MXRA8: variants seen among roughly 807,000 people sequenced by gnomAD.
MXRA8 encodes matrix remodeling associated 8.
A neutral mutation model predicts 51.4 loss-of-function variants in MXRA8; 44 were observed. That is an observed-to-expected ratio of 0.86 (90% CI 0.67 to 1.10). The LOEUF is 1.10. MXRA8 is among the 50% of genes least tolerant of loss of function. The probability of loss-of-function intolerance (pLI) is 0.00; values close to 1 mark genes in which losing one functional copy is unlikely to be tolerated. For missense variants in MXRA8, 765 were observed against 638.9 expected, an observed-to-expected ratio of 1.20 and a Z score of -2.13; for synonymous variants, 369 against 293.5, an observed-to-expected ratio of 1.26 and a Z score of -2.63.
intron 1 of MXRA8, among the ~76,000 whole-genome samples, chr1:1,357,114 C>T (rs939132931): frequency 6.6e-6 from 1 of 152,204 alleles, no homozygotes; most frequent in Non-Finnish European, 1.5e-5. Context: ...GCTGGGGACC[C>T]CACACCACAC....
In MXRA8 at chr1:1,354,177, G is replaced by C; in HGVS notation, c.1145+16C>G. The stretch of plus-strand genomic sequence containing the variant: ...GGGGCCCTGGTCCCCAGGAGGGCCG[G>C]GAGGGGGGCACTCACCCCTTTGACT... On this transcript the variant is annotated intron_variant, in intron 7 of 9. Transcript: ENST00000309212. 1 of 1,612,744 alleles carries C rather than the reference G, an allele frequency of 6.2e-7. No individual in the cohort carries two copies. Among genetic ancestry groups the C allele is most frequent in the South Asian group, 1.1e-5 (1 of 91,090 alleles).
intron 1 of MXRA8, among the ~76,000 whole-genome samples, chr1:1,357,862 G>C (rs1056508456): frequency 2.0e-5 from 3 of 152,186 alleles, no homozygotes; most frequent in African/African-American, 7.2e-5. Context: ...TCCCAATAAA[G>C]GGTTGGCCTG....
At chr1:1,360,436 C>T (rs1290051475), upstream of MXRA8, among the ~76,000 whole-genome samples, 1 of 141,562 alleles carries the variant, frequency 7.1e-6, no homozygotes, top group South Asian at 2.3e-4. Flanking sequence ...CTGCTCCTCC[C>T]AGGGCCAGTG....
At chr1:1,354,300 C>T in intron 6 of MXRA8, 54 bp downstream of exon 6, 7 of 1,598,440 alleles carry the variant, frequency 4.4e-6, no homozygotes, top group Non-Finnish European at 4.3e-6. Context: ...AGAGGACCAC[C>T]CTCCCGCCCA....
chr1:1,362,158 G>C (rs1644230151), upstream of MXRA8, among the ~76,000 whole-genome samples: 1 of 152,172 alleles, frequency 6.6e-6, no homozygotes, highest in Non-Finnish European at 1.5e-5. Flanking sequence ...CGAGGAGGCA[G>C]GGCTGTCTGT....
At chr1:1,360,437 A>T (rs555878685), upstream of MXRA8, among the ~76,000 whole-genome samples, 1 of 138,308 alleles carries the variant, frequency 7.2e-6, no homozygotes, top group South Asian at 2.5e-4. Flanking sequence ...TGCTCCTCCC[A>T]GGGCCAGTGA....
At position 1,354,884 on chromosome 1, in the gene MXRA8, G is replaced by A; in HGVS notation, c.747C>T (p.Ala249=). 1.9e-6 allele frequency: 3 copies of A among 1,611,598 alleles called. No homozygotes were observed. Among genetic ancestry groups the A allele is most frequent in the Non-Finnish European group, 2.5e-6 (3 of 1,179,480 alleles). The change falls in exon 5 of 10, where the codon GCC becomes GCT. Residue 249 remains alanine, a synonymous_variant. Coordinates refer to ENST00000309212, the MANE Select transcript of MXRA8 (RefSeq NM_032348.4). ...LRDRVAVGAD[A]FERGDFSLRI... ...GCAGTGAGAAGTCACCGCGCTCAAA[G>A]GCATCCGCGCCCACAGCCACGCGGT...
At position 1,353,105 on chromosome 1, in the gene MXRA8, AC is replaced by A; in HGVS notation, c.*498del. On this transcript the variant is annotated 3_prime_UTR_variant, in exon 10 of 10. Coordinates refer to ENST00000309212, the MANE Select transcript of MXRA8 (RefSeq NM_032348.4). ...GGGGGAGCTCTCGGTGGCAGGCAGCACCCCAGGAGGAGTGGGACTCCTGCCG... is the reference window on the plus strand; with the variant it reads ...GGGGGAGCTCTCGGTGGCAGGCAGCACCCAGGAGGAGTGGGACTCCTGCCG... 1.5e-6 allele frequency: 1 copy of A among 662,042 alleles called. No homozygotes were observed. The highest frequency in any genetic ancestry group is 2.7e-6 in the Non-Finnish European group (1 of 371,060). The allele number at this position is 662,042 out of a possible 1,614,324, so 41.0% of individuals were successfully genotyped here.
chr1:1,356,570 G>T, intron 2 of MXRA8, 111 bp downstream of exon 2: 2 of 677,068 alleles, frequency 3.0e-6, no homozygotes, highest in Non-Finnish European at 4.3e-6. Context: ...ATGAGCAAGG[G>T]GGAATCAGTG....
At chr1:1,359,408 T>C (rs1445661035), upstream of MXRA8, 2 of 985,458 alleles carry the variant, frequency 2.0e-6, no homozygotes, top group East Asian at 2.3e-4. Flanking sequence ...CAGCCTGCAC[T>C]GTGTAGCAAA....
chr1:1,354,687 C>A lies in MXRA8; in HGVS notation c.944G>T (p.Gly315Val). Residue 315 changes from glycine to valine, a missense_variant, in exon 5 of 10, where the codon GGC becomes GTC. Gly to Val is a moderately radical substitution (Grantham distance 109). Coordinates refer to ENST00000309212, the MANE Select transcript of MXRA8 (RefSeq NM_032348.4). ...GNGSSHSGAP[G>V]PDPTLARGHN... ...CCCAGGGAGGCCTCCTTCACCTGGGCCTGGGGCGCCGCTGTGGCTGGAGCC... is the reference window on the plus strand; with the variant it reads ...CCCAGGGAGGCCTCCTTCACCTGGGACTGGGGCGCCGCTGTGGCTGGAGCC... 2 of 1,576,888 alleles carry A rather than the reference C, an allele frequency of 1.3e-6. No homozygotes were observed. Among genetic ancestry groups the A allele is most frequent in the Non-Finnish European group, 1.7e-6 (2 of 1,162,656 alleles).
upstream of MXRA8, chr1:1,358,676 C>G: frequency 7.1e-7 from 1 of 1,406,446 alleles, no homozygotes; most frequent in Non-Finnish European, 9.3e-7. Flanking sequence ...TGGCCTCCCC[C>G]ATCGTTGCTG....
upstream of MXRA8, chr1:1,358,978 A>C (rs1020281919): frequency 2.0e-6 from 2 of 985,294 alleles, no homozygotes; most frequent in Middle Eastern, 1.0e-3. Context: ...CCCAGCGCTG[A>C]GACCGCCCCC....
rs770509163 is a variant in MXRA8 at position 1,354,690 on chromosome 1, G to T, written c.941C>A (p.Pro314Gln). The T allele has an allele frequency of 1.3e-6, 2 of 1,579,312 alleles. No homozygotes were observed. Among genetic ancestry groups the T allele is most frequent in the East Asian group, 2.3e-5 (1 of 43,106 alleles). Residue 314 changes from proline (P) to glutamine (Q), a missense_variant, in exon 5 of 10, where the codon CCA becomes CAA. Coordinates refer to ENST00000309212, the MANE Select transcript of MXRA8 (RefSeq NM_032348.4). ...PGNGSSHSGA[P>Q]GPDPTLARGH... Reference sequence around the variant, plus strand: ...AGGGAGGCCTCCTTCACCTGGGCCTGGGGCGCCGCTGTGGCTGGAGCCGTT... The same window carrying T: ...AGGGAGGCCTCCTTCACCTGGGCCTTGGGCGCCGCTGTGGCTGGAGCCGTT...
At chr1:1,359,135 T>G, upstream of MXRA8, 1 of 985,296 alleles carries the variant, frequency 1.0e-6, no homozygotes, top group Non-Finnish European at 1.2e-6. Context: ...CAGTCACTAG[T>G]CCCCTTTACA....
At chr1:1,355,804 G>C in intron 2 of MXRA8, 52 bp from the exon 3 acceptor site, 1 of 969,306 alleles carries the variant, frequency 1.0e-6, no homozygotes, top group Non-Finnish European at 1.3e-6. Flanking sequence ...CTAGGGCCCT[G>C]GTTGGGGGAG....
At position 1,354,744 on chromosome 1, in the gene MXRA8, G is replaced by C. The variant is rs751339539; in HGVS notation, c.887C>G (p.Ala296Gly). ...CGGAGAGCCCCGGGGGGGCGGCTCC[G>C]CGTGGGGTTCGGCGACCGTCAGGTG... The part of the protein sequence containing the change: ...VFHLTVAEPH[A>G]EPPPRGSPGN... Residue 296 changes from alanine to glycine, a missense_variant, in exon 5 of 10, where the codon GCG becomes GGG. Coordinates refer to ENST00000309212, the MANE Select transcript of MXRA8 (RefSeq NM_032348.4). 8 of 1,610,056 alleles carry C rather than the reference G, an allele frequency of 5.0e-6. No individual in the cohort carries two copies. Among genetic ancestry groups the C allele is most frequent in the African/African-American group, 2.7e-5 (2 of 74,844 alleles).
At chr1:1,359,376 C>T (rs796667054), upstream of MXRA8, 11 of 985,422 alleles carry the variant, frequency 1.1e-5, no homozygotes, top group African/African-American at 1.9e-4. Context: ...CTTACAAAGT[C>T]ACATAAACAA....
upstream of MXRA8, chr1:1,361,108 CGCAT>C: frequency 1.4e-6 from 1 of 691,222 alleles, no homozygotes; most frequent in South Asian, 1.5e-5. Context: ...CATGGAGACA[CGCAT>C]GCATGCACAT....
Sources: allele counts gnomAD v4.1 joint callset (sites outside exome capture counted in the v4.1 genomes callset), GRCh38; gene constraint gnomAD v4.1.1; transcripts MANE v1.5; gene names NCBI Gene and HGNC (gene_info 2026-07-23, HGNC 2026-07-21).